Variants in TCERG1 observed in about 807,000 individuals in gnomAD.
The protein encoded by TCERG1 is TATA box binding protein (TBP)-associated factor, RNA polymerase II, S, 150kD.
A neutral mutation model predicts 144.7 loss-of-function variants in TCERG1; 37 were observed. The observed-to-expected ratio is 0.26, with a 90% CI of 0.20 to 0.34. TCERG1 has a LOEUF of 0.34. Among genes scored for constraint, TCERG1 ranks in the 10% least tolerant of loss-of-function variants. The probability of loss-of-function intolerance (pLI) is 1.00; values close to 1 mark genes in which losing one functional copy is unlikely to be tolerated. For missense variants in TCERG1, 1,027 were observed against 1,380.7 expected (o/e 0.74, Z 4.06); for synonymous variants, 492 against 458.2 (o/e 1.07, Z -0.94).
intron 16 of TCERG1, among the ~76,000 whole-genome samples, chr5:146,493,479 G>T (rs1339412875): frequency 6.6e-6 from 1 of 152,036 alleles, no homozygotes. Context: ...TTAAATACAT[G>T]TAATGGGCTG....
chr5:146,504,546 C>T (rs1581576292), intron 19 of TCERG1: 1 of 152,432 alleles, frequency 6.6e-6, no homozygotes, highest in Non-Finnish European at 1.5e-5. Context: ...TACCGTCCTA[C>T]TTGCTAATAT....
intron 1 of TCERG1, among the ~76,000 whole-genome samples, chr5:146,448,726 A>C (rs1022635029): frequency 1.3e-5 from 2 of 152,244 alleles, no homozygotes; most frequent in African/African-American, 2.4e-5. Context: ...TTTATTTCAG[A>C]GATGAATCTG....
At chr5:146,499,723 G>T (rs1218716683) in intron 17 of TCERG1, 1 of 152,154 alleles carries the variant, frequency 6.6e-6, no homozygotes, top group Non-Finnish European at 1.5e-5. Context: ...TTGTATGATT[G>T]CTTTTATAGA....
chr5:146,467,863 T>C (rs528980267), intron 5 of TCERG1, among the ~76,000 whole-genome samples: 1 of 152,306 alleles, frequency 6.6e-6, no homozygotes, highest in Non-Finnish European at 1.5e-5. Flanking sequence ...CCTAGCTTAT[T>C]CCTTTTTTAC....
chr5:146,491,838 G>A (rs771467199), intron 15 of TCERG1, among the ~76,000 whole-genome samples: 9 of 152,200 alleles, frequency 5.9e-5, no homozygotes, highest in Non-Finnish European at 1.0e-4. Context: ...TAAGTGTCAA[G>A]TACCTGTAGA....
intron 15 of TCERG1, among the ~76,000 whole-genome samples, chr5:146,487,847 A>G (rs1765995394): frequency 6.6e-6 from 1 of 152,184 alleles, no homozygotes; most frequent in Non-Finnish European, 1.5e-5. Context: ...CAGACTTCAA[A>G]ATATGCTAGA....
At chr5:146,452,393 T>A (rs1010103532) in intron 1 of TCERG1, among the ~76,000 whole-genome samples, 1 of 152,154 alleles carries the variant, frequency 6.6e-6, no homozygotes, top group African/African-American at 2.4e-5. Context: ...ATAATTTTTT[T>A]AAGATCCTGC....
At chr5:146,456,141 T>TA (rs1762819736) in intron 2 of TCERG1, among the ~76,000 whole-genome samples, 1 of 152,228 alleles carries the variant, frequency 6.6e-6, no homozygotes, top group African/African-American at 2.4e-5. Flanking sequence ...GGGTTGTGGT[T>TA]ATGGAAGAGA....
rs922468625 is a variant in TCERG1 at position 146,510,737 on chromosome 5, G to C, written c.*95G>C. Reference sequence around the variant, plus strand: ...ATATGTGCATTAGTCAACCTATTGCGAAACCATCTGACAAACAGAAGGAGA... The same window carrying C: ...ATATGTGCATTAGTCAACCTATTGCCAAACCATCTGACAAACAGAAGGAGA... On this transcript the variant is annotated 3_prime_UTR_variant, in exon 23 of 23. Transcript: ENST00000679501. 1 of 1,148,602 alleles carries C rather than the reference G, an allele frequency of 8.7e-7. No individual in the cohort carries two copies. Among genetic ancestry groups the C allele is most frequent in the East Asian group, 2.6e-5 (1 of 38,376 alleles). 71.2% of individuals were successfully genotyped at this position (1,148,602 alleles called of 1,614,324 possible). A position where few individuals can be genotyped will look rare whatever the true frequency, so the allele number is the denominator to read the frequency against.
At chr5:146,493,272 G>A (rs1005418491) in intron 16 of TCERG1, among the ~76,000 whole-genome samples, 2 of 151,972 alleles carry the variant, frequency 1.3e-5, no homozygotes, top group Non-Finnish European at 2.9e-5. Flanking sequence ...ATGGGAATAA[G>A]TTCTTTAGAA....
chr5:146,487,141 C>G (rs550487202), intron 15 of TCERG1, among the ~76,000 whole-genome samples: 1 of 151,860 alleles, frequency 6.6e-6, no homozygotes, highest in Non-Finnish European at 1.5e-5. Context: ...ATTAAATATC[C>G]AAAACAATAG....
rs528909549 is a variant in TCERG1 at position 146,474,840 on chromosome 5, A to G, written c.1601+3264A>G. 5.3e-5 allele frequency among the ~76,000 whole-genome samples: 8 copies of G among 152,356 alleles called. No homozygotes were observed. In the South Asian group the frequency reaches 1.7e-3, roughly 32 times the overall value. On this transcript the variant is annotated intron_variant, in intron 9 of 22. Transcript: ENST00000679501. Reference sequence around the variant, plus strand: ...GGTTCTTTTGGACATAATGTTGCACACTAAATAGACTACAGCATGATGTAA... The same window carrying G: ...GGTTCTTTTGGACATAATGTTGCACGCTAAATAGACTACAGCATGATGTAA...
intron 16 of TCERG1, among the ~76,000 whole-genome samples, chr5:146,494,092 A>T (rs1766666504): frequency 6.6e-6 from 1 of 152,218 alleles, no homozygotes; most frequent in South Asian, 2.1e-4. Context: ...CAGGGGTAGT[A>T]GAGGTTCAGA....
chr5:146,498,043 G>C (rs967836443), intron 16 of TCERG1, among the ~76,000 whole-genome samples: 2 of 152,096 alleles, frequency 1.3e-5, no homozygotes, highest in African/African-American at 2.4e-5. Context: ...AGTTGGACTT[G>C]AGCTCTCTCT....
intron 10 of TCERG1, 104 bp from the exon 11 acceptor site, chr5:146,479,751 A>G: frequency 9.4e-7 from 1 of 1,065,518 alleles, no homozygotes; most frequent in Non-Finnish European, 1.4e-6. Flanking sequence ...AAAGGGATGA[A>G]TATTAAGAGG....
chr5:146,485,942 G>A (rs1581507954), intron 15 of TCERG1, among the ~76,000 whole-genome samples: 1 of 152,190 alleles, frequency 6.6e-6, no homozygotes, highest in Non-Finnish European at 1.5e-5. Context: ...TAATCCGCCT[G>A]CCTTGGCCTC....
chr5:146,447,587 C>CGGGCTGGGCCA (rs1761971889), intron 1 of TCERG1, among the ~76,000 whole-genome samples, 179 bp downstream of exon 1: 1 of 152,226 alleles, frequency 6.6e-6, no homozygotes, highest in African/African-American at 2.4e-5. Flanking sequence ...GAGCCGGGCC[C>CGGGCTGGGCCA]GGGCTGGGCC....
In TCERG1 at chr5:146,507,774, C is replaced by T. The variant is rs1215800584; in HGVS notation, c.2962-99C>T. The T allele has an allele frequency of 3.3e-5, 23 of 700,430 alleles. No homozygotes were observed. The highest frequency in any genetic ancestry group is 6.0e-5 in the Admixed American group (2 of 33,580). 43.4% of individuals were successfully genotyped at this position (700,430 alleles called of 1,614,324 possible). ...GTTACGCTTGGGCATTACAAGAGATCGCAGGTCAGTGTGTAATATTATGTA... is the reference window on the plus strand; with the variant it reads ...GTTACGCTTGGGCATTACAAGAGATTGCAGGTCAGTGTGTAATATTATGTA... On this transcript the variant is annotated intron_variant, in intron 20 of 22. Transcript: ENST00000679501. This position sits in a 1 kb window ranked among gnomAD's most constrained non-coding sequence, Gnocchi z 4.6.
chr5:146,469,554 A>T lies in TCERG1; in HGVS notation c.1209A>T (p.Pro403=), dbSNP rs1337457240. The change falls in exon 7 of 23, where the codon CCA becomes CCT. Residue 403 remains proline (P), a synonymous_variant. Coordinates refer to ENST00000679501, the MANE Select transcript of TCERG1 (RefSeq NM_001382548.1). The part of the protein sequence containing the change: ...TVATTKTGVL[P]GMAPPIVPMI... Reference sequence around the variant, plus strand: ...TTATTCTTTTTTTAGGTGTATTGCCAGGAATGGCCCCTCCTATCGTACCCA... The same window carrying T: ...TTATTCTTTTTTTAGGTGTATTGCCTGGAATGGCCCCTCCTATCGTACCCA... 2 of 1,595,106 alleles carry T rather than the reference A, an allele frequency of 1.3e-6. No individual in the cohort carries two copies. Among genetic ancestry groups the T allele is most frequent in the Non-Finnish European group, 1.7e-6 (2 of 1,173,588 alleles).
Sources: gnomAD v4.1 joint callset for allele counts (sites outside exome capture counted in the v4.1 genomes callset) on GRCh38, gnomAD v4.1.1 for gene constraint, Gnocchi (gnomAD v3.1) non-coding constraint, MANE v1.5 for transcripts, NCBI Gene and HGNC (gene_info 2026-07-23, HGNC 2026-07-21) for gene names.